CEMIP: variants seen among roughly 807,000 people sequenced by gnomAD.
CEMIP encodes cell migration inducing hyaluronidase 1.
In CEMIP, 105 loss-of-function variants were observed where a neutral mutation model predicts 156.9. The ratio of observed to expected loss-of-function variants is 0.67; its 90% CI spans 0.57 to 0.79. The LOEUF is 0.79. CEMIP is among the 30% of genes least tolerant of loss of function. The probability of loss-of-function intolerance (pLI) is 0.00; values close to 1 mark genes in which losing one functional copy is unlikely to be tolerated. For synonymous variants in CEMIP, 676 were observed against 668.4 expected, an observed-to-expected ratio of 1.01 and a Z score of -0.17; for missense variants, 1,457 against 1,769.4, an observed-to-expected ratio of 0.82 and a Z score of 3.17.
At chr15:80,900,624 G>A (rs962935380) in intron 12 of CEMIP, among the ~76,000 whole-genome samples, 3 of 145,126 alleles carry the variant, frequency 2.1e-5, no homozygotes, top group African/African-American at 7.9e-5. Context: ...GTGTGTGTGT[G>A]TGTGTGTGTG....
chr15:80,785,052 C>T (rs190213154), intron 1 of CEMIP, among the ~76,000 whole-genome samples: 228 of 152,302 alleles, frequency 1.5e-3, no homozygotes, highest in Non-Finnish European at 2.3e-3. Flanking sequence ...TCTTGGCCCC[C>T]TTTAAGTTTC....
chr15:80,918,471 T>C (rs115850754), intron 14 of CEMIP, among the ~76,000 whole-genome samples: 2,207 of 152,282 alleles, frequency 0.014, 53 homozygotes, highest in African/African-American at 0.049. Context: ...CCAGGGAAGC[T>C]GCTAAACAAC....
intron 1 of CEMIP, among the ~76,000 whole-genome samples, chr15:80,817,147 G>T (rs1463999161): frequency 6.6e-6 from 1 of 152,158 alleles, no homozygotes; most frequent in African/African-American, 2.4e-5. Flanking sequence ...TAATTATTAT[G>T]ATTATACACA....
intron 1 of CEMIP, among the ~76,000 whole-genome samples, chr15:80,825,001 T>C (rs1896997392): frequency 6.6e-6 from 1 of 152,214 alleles, no homozygotes; most frequent in Admixed American, 6.5e-5. Flanking sequence ...AGCTGTGAAC[T>C]GTGAGCTTGA....
intron 7 of CEMIP, among the ~76,000 whole-genome samples, chr15:80,887,138 CA>C (rs1162625906): frequency 1.3e-5 from 2 of 152,184 alleles, no homozygotes; most frequent in East Asian, 3.9e-4. Context: ...GATGGATGTA[CA>C]ATTTTTCAAA....
At position 80,945,625 on chromosome 15, in the gene CEMIP, G is replaced by A. The variant is rs184820154; in HGVS notation, c.3858-1340G>A. Among the ~76,000 whole-genome samples, 40 of 152,252 alleles carry A rather than the reference G, an allele frequency of 2.6e-4. No individual in the cohort carries two copies. In the East Asian group the frequency reaches 4.3e-3, roughly 16 times the overall value. ...TATCCTTATTTCACACAAGCCCTTC[G>A]CATCTTAAGATCTTTCCCGCTGTTC... On this transcript the variant is annotated intron_variant, in intron 28 of 29. Coordinates refer to ENST00000394685, the MANE Select transcript of CEMIP (RefSeq NM_001293298.2).
At chr15:80,900,654 GTGTGTGTC>G (rs1899480825) in intron 12 of CEMIP, among the ~76,000 whole-genome samples, 16 of 140,276 alleles carry the variant, frequency 1.1e-4, no homozygotes, top group African/African-American at 3.8e-4. Flanking sequence ...GTGTGTCTGT[GTGTGTGTC>G]TGTGTGTGTG....
intron 1 of CEMIP, among the ~76,000 whole-genome samples, chr15:80,866,820 A>AGGTACCCAAGGCATGT (rs1898142870): frequency 6.6e-6 from 1 of 151,738 alleles, no homozygotes; most frequent in Non-Finnish European, 1.5e-5. Flanking sequence ...GATACATAAA[A>AGGTACCCAAGGCATGT]GGTACCCAAG....
At position 80,949,208 on chromosome 15, in the gene CEMIP, T is replaced by C. The variant is rs975678426; in HGVS notation, c.*284T>C. The stretch of plus-strand genomic sequence containing the variant: ...TTCTCTCCTATCTGTGCCTCTTCAG[T>C]GGGGGTTTGGGGACCATATCAGGAG... On this transcript the variant is annotated 3_prime_UTR_variant, in exon 30 of 30. Coordinates refer to ENST00000394685, the MANE Select transcript of CEMIP (RefSeq NM_001293298.2). The C allele has an allele frequency of 2.2e-6, 1 of 461,976 alleles. No individual in the cohort carries two copies. Among genetic ancestry groups the C allele is most frequent in the Non-Finnish European group, 4.0e-6 (1 of 249,654 alleles). The allele number at this position is 461,976 out of a possible 1,614,324, so 28.6% of individuals were successfully genotyped here.
chr15:80,781,805 G>A lies in CEMIP; in HGVS notation c.-176+2191G>A, dbSNP rs141606937. The stretch of plus-strand genomic sequence containing the variant: ...ATTACAGTAATTGGTACAATGTAAA[G>A]CATTTAATCCAGTGCTGAGCATAGA... On this transcript the variant is annotated intron_variant, in intron 1 of 29. Coordinates refer to ENST00000394685, the MANE Select transcript of CEMIP (RefSeq NM_001293298.2). Among the ~76,000 whole-genome samples, 246 of 152,316 alleles carry A rather than the reference G, an allele frequency of 1.6e-3. 2 individuals carry two copies. Among genetic ancestry groups the A allele is most frequent in the African/African-American group, 5.7e-3 (236 of 41,566 alleles).
At chr15:80,909,668 G>T (rs2141895233) in intron 14 of CEMIP, 1 of 463,108 alleles carries the variant, frequency 2.2e-6, no homozygotes, top group African/African-American at 2.0e-5. Flanking sequence ...AGACCCGGCT[G>T]TGGTATCTAC....
intron 24 of CEMIP, among the ~76,000 whole-genome samples, chr15:80,937,484 C>A (rs539862288): frequency 7.9e-5 from 12 of 152,292 alleles, no homozygotes; most frequent in Admixed American, 5.9e-4. Flanking sequence ...TCCTTTGGAT[C>A]CTGTGCTCTT....
At chr15:80,879,626 G>C in intron 4 of CEMIP, 90 bp from the exon 5 acceptor site, 2 of 1,481,920 alleles carry the variant, frequency 1.3e-6, no homozygotes, top group South Asian at 1.1e-5. Context: ...CGGTGAGATG[G>C]GGAGTGCTTA....
chr15:80,920,105 T>G lies in CEMIP; in HGVS notation c.1809T>G (p.Val603=), dbSNP rs1423754710. ...HGSNGLLIKD[V]VGYNSLGHCF... is the part of the protein sequence containing the mutation. ...CTTGACCCCTGCAGATCAAGGACGT[T>G]GTGGGCTATAACTCTTTGGGCCACT... The change falls in exon 15 of 30, where the codon GTT becomes GTG. Residue 603 remains valine, a synonymous_variant. Transcript: ENST00000394685. 6.2e-7 allele frequency: 1 copy of G among 1,614,208 alleles called. No individual in the cohort carries two copies. Among genetic ancestry groups the G allele is most frequent in the East Asian group, 2.2e-5 (1 of 44,874 alleles).
At chr15:80,831,072 G>A (rs1400640749) in intron 1 of CEMIP, among the ~76,000 whole-genome samples, 3 of 152,164 alleles carry the variant, frequency 2.0e-5, no homozygotes, top group Non-Finnish European at 4.4e-5. Context: ...TGTTAGTTTT[G>A]AGAACCTTGG....
At chr15:80,812,412 G>A (rs187704197) in intron 1 of CEMIP, among the ~76,000 whole-genome samples, 1 of 152,228 alleles carries the variant, frequency 6.6e-6, no homozygotes, top group East Asian at 1.9e-4. Context: ...GAGGATTTTG[G>A]AGAGAGAGAC....
rs141169955 is a variant in CEMIP at position 80,895,085 on chromosome 15, C to A, written c.1182C>A (p.Cys394Ter). The A allele has an allele frequency of 3.7e-6, 6 of 1,614,208 alleles. No individual in the cohort carries two copies. The highest frequency in any genetic ancestry group is 5.1e-6 in the Non-Finnish European group (6 of 1,180,026). Residue 394 changes from cysteine to a stop codon, truncating the protein, a stop_gained, in exon 11 of 30, where the codon TGC becomes TGA. Coordinates refer to ENST00000394685, the MANE Select transcript of CEMIP (RefSeq NM_001293298.2). LOFTEE classifies it high-confidence loss of function. ...RFACYDRGRACRSYRVRFLCG... is the reference protein window; with the variant it reads ...RFACYDRGRA ...CTTGCTACGACCGGGGCAGAGCCTGCCGGAGCTACCGTGTACGGTTCCTCT... is the reference window on the plus strand; with the variant it reads ...CTTGCTACGACCGGGGCAGAGCCTGACGGAGCTACCGTGTACGGTTCCTCT...
intron 1 of CEMIP, among the ~76,000 whole-genome samples, chr15:80,849,311 T>A (rs1411200188): frequency 6.6e-6 from 1 of 152,030 alleles, no homozygotes; most frequent in Non-Finnish European, 1.5e-5. Context: ...AGAGTCCATG[T>A]CTCTCTCTTG....
chr15:80,922,909 C>T (rs1043856990), intron 17 of CEMIP, among the ~76,000 whole-genome samples: 1 of 152,116 alleles, frequency 6.6e-6, no homozygotes, highest in South Asian at 2.1e-4. Context: ...GATGCCAGGG[C>T]GGTGCGCAGA....
Sources: allele counts gnomAD v4.1 joint callset (sites outside exome capture counted in the v4.1 genomes callset), GRCh38; gene constraint gnomAD v4.1.1; transcripts MANE v1.5; gene names NCBI Gene and HGNC (gene_info 2026-07-23, HGNC 2026-07-21).